The following PKHD1 variants were observed in gnomAD, a reference collection of about 807,000 sequenced individuals.
PKHD1 encodes the protein fibrocystin.
Under a neutral mutation model 412.0 loss-of-function variants are expected in PKHD1, and 291 were observed. The observed-to-expected ratio is 0.71, with a 90% CI of 0.64 to 0.78. The LOEUF is 0.78. PKHD1 is among the 30% of genes least tolerant of loss of function. The pLI, the probability that PKHD1 is intolerant of heterozygous loss-of-function variation, is 0.00. For missense variants in PKHD1, 4,825 were observed against 4,950.7 expected (o/e 0.97, Z 0.76); for synonymous variants, 1,777 against 1,821.5 (o/e 0.98, Z 0.62).
At chr6:51,791,063 T>C (rs1447188099) in intron 53 of PKHD1, among the ~76,000 whole-genome samples, 173 bp downstream of exon 53, 3 of 152,278 alleles carry the variant, frequency 2.0e-5, no homozygotes, top group African/African-American at 7.2e-5. Context: ...ACAAGCCACC[T>C]CTGACCACAT....
chr6:51,681,104 T>G (rs1776595388), intron 60 of PKHD1, among the ~76,000 whole-genome samples: 1 of 152,058 alleles, frequency 6.6e-6, no homozygotes, highest in Non-Finnish European at 1.5e-5. Context: ...TGCCCATGTA[T>G]AGACTGCATT....
chr6:51,665,312 G>A (rs1773555777), intron 60 of PKHD1, among the ~76,000 whole-genome samples: 1 of 152,110 alleles, frequency 6.6e-6, no homozygotes, highest in African/African-American at 2.4e-5. Context: ...GGATGTGACT[G>A]CCCCAAACTC....
intron 52 of PKHD1, among the ~76,000 whole-genome samples, chr6:51,791,762 A>C (rs1463818750): frequency 6.6e-6 from 1 of 152,204 alleles, no homozygotes; most frequent in Non-Finnish European, 1.5e-5. Flanking sequence ...AGGGAAGACT[A>C]TTTGGATGTG....
rs745971604 is a variant in PKHD1 at position 52,024,774 on chromosome 6, C to A, written c.5036G>T (p.Gly1679Val). The A allele has an allele frequency of 1.2e-6, 2 of 1,614,120 alleles. No homozygotes were observed. Among genetic ancestry groups the A allele is most frequent in the South Asian group, 1.1e-5 (1 of 91,080 alleles). The change falls in exon 32 of 67, where the codon GGA becomes GTA. Residue 1679 changes from glycine (G) to valine (V), a missense_variant. Gly to Val is a moderately radical substitution (Grantham distance 109). Coordinates refer to ENST00000371117, the MANE Select transcript of PKHD1 (RefSeq NM_138694.4). ...TATAAAAATGTCAATGTTTGCAGCT[C>A]CTGAGATCTGGGCCACTGCAAAGGT... ...ILTFAVAQISGAANIDIFIGM... is the reference protein window; with the variant it reads ...ILTFAVAQISVAANIDIFIGM...
intron 53 of PKHD1, among the ~76,000 whole-genome samples, chr6:51,787,010 A>C (rs1792975163): frequency 6.6e-6 from 1 of 152,180 alleles, no homozygotes; most frequent in South Asian, 2.1e-4. Flanking sequence ...CTAGCATTCT[A>C]TGATTCAACT....
chr6:51,733,315 C>G (rs558825477), intron 60 of PKHD1, among the ~76,000 whole-genome samples: 1 of 151,986 alleles, frequency 6.6e-6, no homozygotes, highest in African/African-American at 2.4e-5. Context: ...ACGAGATGGG[C>G]GGATCACAAG....
At chr6:51,763,411 C>A (rs1047270045) in intron 55 of PKHD1, among the ~76,000 whole-genome samples, 1 of 152,044 alleles carries the variant, frequency 6.6e-6, no homozygotes, top group Non-Finnish European at 1.5e-5. Context: ...TAGCCTGTAG[C>A]TCAGACTCCA....
intron 37 of PKHD1, among the ~76,000 whole-genome samples, chr6:51,920,343 T>A (rs899838845): frequency 2.6e-5 from 4 of 152,268 alleles, no homozygotes; most frequent in Non-Finnish European, 4.4e-5. Flanking sequence ...GAAGGGCTGT[T>A]GAATTTTGTC....
At chr6:51,980,876 C>G (rs564380690) in intron 35 of PKHD1, among the ~76,000 whole-genome samples, 1 of 152,216 alleles carries the variant, frequency 6.6e-6, no homozygotes, top group African/African-American at 2.4e-5. Flanking sequence ...TGAACAATAA[C>G]AATACAGTCC....
At chr6:51,918,172 C>T (rs973717062) in intron 37 of PKHD1, among the ~76,000 whole-genome samples, 2 of 111,564 alleles carry the variant, frequency 1.8e-5, no homozygotes, top group African/African-American at 8.3e-5. Context: ...GTTATAAAAA[C>T]AAATATATAC....
chr6:51,688,672 A>G (rs1453309425), intron 60 of PKHD1, among the ~76,000 whole-genome samples: 1 of 152,178 alleles, frequency 6.6e-6, no homozygotes, highest in Non-Finnish European at 1.5e-5. Flanking sequence ...GACCCCACAG[A>G]TATACAAACA....
In PKHD1 at chr6:52,058,528, G is replaced by C. The variant is rs146789444; in HGVS notation, c.1307C>G (p.Thr436Ser). 1.6e-4 allele frequency: 259 copies of C among 1,614,140 alleles called. 1 individual carries two copies. In the African/African-American group the frequency reaches 3.2e-3, roughly 20 times the overall value. The part of the protein sequence containing the change: ...DSWEQNRDEG[T>S]WQQKTPKLEL... ...CAACTTGGGAGTCTTCTGCTGCCAGGTCCCTTCATCCCTATTCTGCTCCCA... is the reference window on the plus strand; with the variant it reads ...CAACTTGGGAGTCTTCTGCTGCCAGCTCCCTTCATCCCTATTCTGCTCCCA... Residue 436 changes from threonine (T) to serine (S), a missense_variant, in exon 16 of 67, where the codon ACC becomes AGC. Physicochemically the swap from Thr to Ser is moderately conservative, Grantham distance 58. Transcript: ENST00000371117.
In PKHD1 at chr6:51,747,872, GA is replaced by G. The variant is rs751754608; in HGVS notation, c.9743del (p.Phe3248SerfsTer16). On this transcript the variant is annotated frameshift_variant, in exon 58 of 67. Transcript: ENST00000371117. LOFTEE classifies it high-confidence loss of function. ...GGRIGILWPV[F>X]TSEPNQWPQE... ...GAGGCCACTGATTTGGTTCTGAGGTGAATACAGGCCACAGAATACCAATTCG... is the reference window on the plus strand; with the variant it reads ...GAGGCCACTGATTTGGTTCTGAGGTGATACAGGCCACAGAATACCAATTCG... 6.2e-7 allele frequency: 1 copy of G among 1,613,424 alleles called. No individual in the cohort carries two copies. The highest frequency in any genetic ancestry group is 8.5e-7 in the Non-Finnish European group (1 of 1,179,396).
intron 60 of PKHD1, among the ~76,000 whole-genome samples, chr6:51,737,556 A>G (rs1784009938): frequency 6.6e-6 from 1 of 152,222 alleles, no homozygotes; most frequent in Non-Finnish European, 1.5e-5. Context: ...GGTATTTGGC[A>G]CAGAGAGCTA....
At chr6:51,626,646 C>A (rs1271047885) in intron 66 of PKHD1, among the ~76,000 whole-genome samples, 2 of 152,146 alleles carry the variant, frequency 1.3e-5, no homozygotes, top group African/African-American at 4.8e-5. Context: ...ACTCTTCTTT[C>A]CCAAATTCAA....
intron 37 of PKHD1, among the ~76,000 whole-genome samples, chr6:51,927,953 T>C (rs1280668540): frequency 6.6e-6 from 1 of 151,918 alleles, no homozygotes; most frequent in African/African-American, 2.4e-5. Flanking sequence ...CCTACAAGAC[T>C]CCAGTGATTT....
At chr6:51,865,598 C>G in intron 48 of PKHD1, among the ~76,000 whole-genome samples, 1 of 152,096 alleles carries the variant, frequency 6.6e-6, no homozygotes. Flanking sequence ...AGCCTCACTC[C>G]CTGCCCTCTC....
intron 33 of PKHD1, among the ~76,000 whole-genome samples, chr6:52,020,011 G>C (rs1801167407): frequency 6.6e-6 from 1 of 152,096 alleles, no homozygotes; most frequent in Non-Finnish European, 1.5e-5. Flanking sequence ...CAATAATTAA[G>C]AACGTTTGAG....
chr6:51,986,657 G>T (rs866501728), intron 35 of PKHD1, among the ~76,000 whole-genome samples: 1 of 152,122 alleles, frequency 6.6e-6, no homozygotes, highest in Admixed American at 6.5e-5. Flanking sequence ...AAAAGCCTTC[G>T]CAATGTTTTA....
Sources: allele counts gnomAD v4.1 joint callset (sites outside exome capture counted in the v4.1 genomes callset), GRCh38; gene constraint gnomAD v4.1.1; transcripts MANE v1.5; gene names NCBI Gene and HGNC (gene_info 2026-07-23, HGNC 2026-07-21).